AGTPBP1: variants seen among roughly 807,000 people sequenced by gnomAD.
AGTPBP1 encodes the protein ATP/GTP binding carboxypeptidase 1, also known as cytosolic carboxypeptidase 1.
Under a neutral mutation model 143.9 loss-of-function variants are expected in AGTPBP1, and 70 were observed. That is an observed-to-expected ratio of 0.49 (90% CI 0.40 to 0.59). AGTPBP1 has a LOEUF of 0.59. Ranked by LOEUF, AGTPBP1 falls within the 20% of genes least tolerant of loss-of-function variation. The pLI is 0.00. For missense variants in AGTPBP1, 1,229 were observed against 1,464.5 expected, an observed-to-expected ratio of 0.84 and a Z score of 2.62; for synonymous variants, 463 against 500.2, an observed-to-expected ratio of 0.93 and a Z score of 0.99.
chr9:85,734,086 T>C (rs1300718440), intron 1 of AGTPBP1, among the ~76,000 whole-genome samples: 1 of 152,116 alleles, frequency 6.6e-6, no homozygotes, highest in Non-Finnish European at 1.5e-5. Context: ...ACCCTGTCTC[T>C]ACTAAAAATA....
chr9:85,574,686 T>C (rs1037164505), intron 25 of AGTPBP1, among the ~76,000 whole-genome samples: 3 of 152,022 alleles, frequency 2.0e-5, no homozygotes, highest in Non-Finnish European at 4.4e-5. Context: ...CAACAAAATC[T>C]TTTGAAATAT....
intron 3 of AGTPBP1, among the ~76,000 whole-genome samples, chr9:85,690,208 C>T (rs1835774290): frequency 6.6e-6 from 1 of 152,046 alleles, no homozygotes; most frequent in Admixed American, 6.6e-5. Flanking sequence ...AATTTTTGTA[C>T]ATTTCTTGGT....
intron 1 of AGTPBP1, among the ~76,000 whole-genome samples, chr9:85,722,035 A>T (rs1838162618): frequency 6.6e-6 from 1 of 152,114 alleles, no homozygotes; most frequent in Non-Finnish European, 1.5e-5. Flanking sequence ...CTGCTGAGAG[A>T]TCCACTGTTA....
intron 3 of AGTPBP1, among the ~76,000 whole-genome samples, chr9:85,686,840 G>A (rs1017121832): frequency 6.6e-6 from 1 of 152,050 alleles, no homozygotes; most frequent in African/African-American, 2.4e-5. Context: ...AGCAGTGAAA[G>A]AATGAGAAGA....
the AGTPBP1 span, chr9:85,791,641 A>T: frequency 6.6e-6 from 1 of 152,194 alleles, no homozygotes; most frequent in African/African-American, 2.4e-5. Flanking sequence ...TTTCTCTGGC[A>T]TAAGGACTGA....
At chr9:85,557,211 C>A (rs1489507400) in intron 25 of AGTPBP1, among the ~76,000 whole-genome samples, 1 of 152,120 alleles carries the variant, frequency 6.6e-6, no homozygotes. Flanking sequence ...TAATTTGATA[C>A]CTATCTACAT....
chr9:85,666,442 AGAG>A (rs1410880958), intron 8 of AGTPBP1, among the ~76,000 whole-genome samples: 1 of 152,182 alleles, frequency 6.6e-6, no homozygotes, highest in African/African-American at 2.4e-5. Context: ...TTAGTTAATT[AGAG>A]GAGAGACCCT....
At chr9:85,651,977 G>C (rs907972313) in intron 11 of AGTPBP1, among the ~76,000 whole-genome samples, 5 of 152,166 alleles carry the variant, frequency 3.3e-5, no homozygotes, top group Non-Finnish European at 5.9e-5. Flanking sequence ...GAATTTCCTA[G>C]GTAGAGGAGC....
rs113972657 is a variant in AGTPBP1 at position 85,733,488 on chromosome 9, A to C, written c.-34+8287T>G. Among the ~76,000 whole-genome samples the C allele has an allele frequency of 3.5e-3, 533 of 152,328 alleles. 2 individuals are homozygous for C. The highest frequency in any genetic ancestry group is 2.5e-3 in the Non-Finnish European group (171 of 68,014). On this transcript the variant is annotated intron_variant, in intron 1 of 25. Transcript: ENST00000357081. The stretch of plus-strand genomic sequence containing the variant: ...ATAGCAAAAGCAGTGCTGAGGAGAA[A>C]ATCTATAGACATAAACACATTAAAA...
chr9:85,658,713 T>C (rs1332403445), intron 9 of AGTPBP1, among the ~76,000 whole-genome samples: 1 of 152,132 alleles, frequency 6.6e-6, no homozygotes, highest in East Asian at 1.9e-4. Flanking sequence ...AGTACAAACC[T>C]AAAACATAAC....
chr9:85,739,528 G>C (rs553028952), intron 1 of AGTPBP1, among the ~76,000 whole-genome samples: 2 of 151,898 alleles, frequency 1.3e-5, no homozygotes, highest in Non-Finnish European at 2.9e-5. Flanking sequence ...GGGTAACATG[G>C]TGAAACCCCG....
At chr9:85,564,983 T>G (rs1826989052) in intron 25 of AGTPBP1, among the ~76,000 whole-genome samples, 2 of 152,180 alleles carry the variant, frequency 1.3e-5, no homozygotes, top group African/African-American at 4.8e-5. Flanking sequence ...GAGGTTACAG[T>G]GAGAAGAAGG....
intron 2 of AGTPBP1, among the ~76,000 whole-genome samples, chr9:85,694,391 A>G (rs1256167578): frequency 1.3e-5 from 2 of 152,254 alleles, no homozygotes; most frequent in Non-Finnish European, 2.9e-5. Context: ...ATTCCTCCAA[A>G]GAGAAATATG....
At chr9:85,659,549 C>T (rs1038508260) in intron 9 of AGTPBP1, among the ~76,000 whole-genome samples, 2 of 151,870 alleles carry the variant, frequency 1.3e-5, no homozygotes, top group African/African-American at 4.8e-5. Context: ...TTGCCCACCA[C>T]CCTCATTTGA....
the AGTPBP1 span, among the ~76,000 whole-genome samples, chr9:85,774,265 A>G: frequency 5.9e-5 from 9 of 152,226 alleles, no homozygotes; most frequent in Non-Finnish European, 7.3e-5. Flanking sequence ...CAGTATGCAC[A>G]TAAGAACTGC....
intron 17 of AGTPBP1, among the ~76,000 whole-genome samples, chr9:85,605,602 T>G (rs563984930): frequency 6.6e-6 from 1 of 152,238 alleles, no homozygotes; most frequent in East Asian, 1.9e-4. Context: ...CAGAATATTA[T>G]AATACTGTAA....
chr9:85,771,438 C>T, the AGTPBP1 span, among the ~76,000 whole-genome samples: 1 of 152,106 alleles, frequency 6.6e-6, no homozygotes, highest in Non-Finnish European at 1.5e-5. Context: ...ATCACTACTG[C>T]ACTTCAGTCT....
chr9:85,700,851 G>A (rs962936219), intron 2 of AGTPBP1, among the ~76,000 whole-genome samples: 11 of 152,098 alleles, frequency 7.2e-5, no homozygotes, highest in African/African-American at 2.7e-4. Flanking sequence ...GTATTCTGAG[G>A]TATCTACTAC....
intron 23 of AGTPBP1, among the ~76,000 whole-genome samples, chr9:85,580,953 T>TATACGG (rs1186211587): frequency 7.9e-5 from 12 of 152,238 alleles, no homozygotes; most frequent in Non-Finnish European, 5.9e-5. Flanking sequence ...CATGCATATC[T>TATACGG]ATACGGATGT....
Sources: gnomAD v4.1 joint callset for allele counts (sites outside exome capture counted in the v4.1 genomes callset) on GRCh38, gnomAD v4.1.1 for gene constraint, MANE v1.5 for transcripts, NCBI Gene and HGNC (gene_info 2026-07-23, HGNC 2026-07-21) for gene names.